The following ZMIZ1 variants were observed in gnomAD, a reference collection of about 807,000 sequenced individuals.
ZMIZ1 encodes the protein zinc finger MIZ domain-containing protein 1.
ZMIZ1 carries 17 observed loss-of-function variants against 113.9 expected under a neutral mutation model. The observed-to-expected ratio is 0.15, with a 90% CI of 0.10 to 0.22. The LOEUF is 0.22. ZMIZ1 is among the 10% of genes least tolerant of loss of function. The pLI is 1.00. For missense variants in ZMIZ1, 1,059 were observed against 1,477.8 expected, an observed-to-expected ratio of 0.72 and a Z score of 4.65; for synonymous variants, 607 against 603.1, an observed-to-expected ratio of 1.01 and a Z score of -0.09.
At chr10:79,288,196 G>A (rs79416565) in intron 8 of ZMIZ1, among the ~76,000 whole-genome samples, 2,543 of 152,338 alleles carry the variant, frequency 0.017, 42 homozygotes, top group South Asian at 0.063. Context: ...GAGCTCAGCC[G>A]GGCAAGGCAC....
At chr10:79,120,785 C>T (rs999083401) in intron 2 of ZMIZ1, among the ~76,000 whole-genome samples, 2 of 152,206 alleles carry the variant, frequency 1.3e-5, no homozygotes, top group Non-Finnish European at 2.9e-5. Flanking sequence ...CTGTTCCTCT[C>T]CAGGCTTCTC....
intron 4 of ZMIZ1, among the ~76,000 whole-genome samples, chr10:79,187,394 C>T (rs1267638548): frequency 1.3e-5 from 2 of 152,220 alleles, no homozygotes; most frequent in African/African-American, 2.4e-5. Context: ...CCTCACTGCC[C>T]AGCTGTGTGA....
At chr10:79,254,319 T>C in intron 7 of ZMIZ1, among the ~76,000 whole-genome samples, 1 of 152,206 alleles carries the variant, frequency 6.6e-6, no homozygotes, top group Non-Finnish European at 1.5e-5. Context: ...GTCCTCTCTG[T>C]TCAGGGAGTG....
intron 8 of ZMIZ1, among the ~76,000 whole-genome samples, chr10:79,286,315 G>A (rs377339651): frequency 3.9e-5 from 6 of 152,254 alleles, no homozygotes; most frequent in South Asian, 2.1e-4. Context: ...GCATTCCCCC[G>A]GTGGTGGTAT....
intron 2 of ZMIZ1, among the ~76,000 whole-genome samples, chr10:79,135,733 C>T (rs2132391784): frequency 6.6e-6 from 1 of 152,314 alleles, no homozygotes. Context: ...GCCAGGGTTC[C>T]AGGCCTGGCT....
chr10:79,216,296 T>C (rs776110192), intron 7 of ZMIZ1, 22 bp downstream of exon 7: 9 of 1,568,612 alleles, frequency 5.7e-6, no homozygotes, highest in Non-Finnish European at 7.8e-6. Flanking sequence ...TGGGGGACTC[T>C]GCGATGTCAC....
intron 7 of ZMIZ1, among the ~76,000 whole-genome samples, chr10:79,266,604 A>G (rs146026327): frequency 0.024 from 3,582 of 152,214 alleles, 78 homozygotes; most frequent in Middle Eastern, 0.058. Context: ...CTGAGGCTGC[A>G]CTGATGGTGC....
intron 5 of ZMIZ1, among the ~76,000 whole-genome samples, chr10:79,205,278 G>A (rs1285857231): frequency 6.6e-6 from 1 of 152,180 alleles, no homozygotes; most frequent in Non-Finnish European, 1.5e-5. Context: ...CCCATCAACG[G>A]CTGGCCAAGC....
At chr10:79,279,175 C>G (rs1852524679) in intron 8 of ZMIZ1, among the ~76,000 whole-genome samples, 1 of 150,444 alleles carries the variant, frequency 6.6e-6, no homozygotes, top group Non-Finnish European at 1.5e-5. Context: ...GACGGGGCAG[C>G]TGCCAGGGGG....
At chr10:79,237,239 G>A (rs1050732967) in intron 7 of ZMIZ1, among the ~76,000 whole-genome samples, 1 of 152,218 alleles carries the variant, frequency 6.6e-6, no homozygotes, top group Non-Finnish European at 1.5e-5. Context: ...GAGAGATGAC[G>A]GAGACTGGAG....
intron 3 of ZMIZ1, among the ~76,000 whole-genome samples, chr10:79,143,168 CA>C (rs1845345990): frequency 1.3e-5 from 2 of 152,128 alleles, no homozygotes; most frequent in Admixed American, 6.5e-5. Context: ...CCTGACCTTC[CA>C]GGAGCTCCCC....
intron 2 of ZMIZ1, among the ~76,000 whole-genome samples, chr10:79,134,890 C>T (rs561671636): frequency 6.6e-6 from 1 of 151,790 alleles, no homozygotes; most frequent in Non-Finnish European, 1.5e-5. Flanking sequence ...GCTATCTTGG[C>T]TCACTGCAAC....
At chr10:79,076,103 G>T (rs1218557429) in intron 1 of ZMIZ1, among the ~76,000 whole-genome samples, 3 of 152,178 alleles carry the variant, frequency 2.0e-5, no homozygotes, top group Non-Finnish European at 2.9e-5. Flanking sequence ...TAAAATTAGT[G>T]GGAACTGGTT....
chr10:79,189,576 A>G (rs567369670), intron 4 of ZMIZ1, among the ~76,000 whole-genome samples: 1 of 152,326 alleles, frequency 6.6e-6, no homozygotes, highest in South Asian at 2.1e-4. Context: ...CCCAGGGCAC[A>G]GAAGCCAGCA....
intron 16 of ZMIZ1, among the ~76,000 whole-genome samples, chr10:79,300,086 C>T (rs1308330213): frequency 1.3e-5 from 2 of 152,192 alleles, no homozygotes; most frequent in Admixed American, 6.5e-5. Flanking sequence ...TGTGGGCGTT[C>T]AGAACACAGG....
rs1055550661 is a variant in ZMIZ1 at position 79,134,789 on chromosome 10, T to TA, written c.-226-4883dup. ...TCATAGTGCTTTTGATGAGGCTAAG[T>TA]AAAAAAAAAAGTAATTGGTTTAAAG... On this transcript the variant is annotated intron_variant, in intron 2 of 24. Transcript: ENST00000334512. Among the ~76,000 whole-genome samples the TA allele has an allele frequency of 3.2e-3, 467 of 147,526 alleles. 1 individual carries two copies. Among genetic ancestry groups the TA allele is most frequent in the Middle Eastern group, 0.011 (3 of 280 alleles).
At chr10:79,117,969 C>CAG (rs1844128393) in intron 1 of ZMIZ1, among the ~76,000 whole-genome samples, 1 of 152,228 alleles carries the variant, frequency 6.6e-6, no homozygotes, top group Non-Finnish European at 1.5e-5. Context: ...AGCTGCCTTT[C>CAG]ATGGTTGACC....
chr10:79,223,038 T>C (rs1849045471), intron 7 of ZMIZ1, among the ~76,000 whole-genome samples: 1 of 152,172 alleles, frequency 6.6e-6, no homozygotes, highest in Non-Finnish European at 1.5e-5. Flanking sequence ...TGGTCTCTTT[T>C]GGTGGCTTGA....
At chr10:79,099,221 C>T (rs2132254505) in intron 1 of ZMIZ1, among the ~76,000 whole-genome samples, 1 of 152,244 alleles carries the variant, frequency 6.6e-6, no homozygotes, top group Middle Eastern at 3.4e-3. Flanking sequence ...CACTGTGGTG[C>T]ACCTGCTGGG....
Sources: gnomAD v4.1 joint callset for allele counts (sites outside exome capture counted in the v4.1 genomes callset) on GRCh38, gnomAD v4.1.1 for gene constraint, MANE v1.5 for transcripts, NCBI Gene and HGNC (gene_info 2026-07-23, HGNC 2026-07-21) for gene names.